The following OPCML variants were observed in gnomAD, a reference collection of about 807,000 sequenced individuals.
OPCML encodes the protein opioid-binding protein/cell adhesion molecule.
OPCML carries 13 observed loss-of-function variants against 37.8 expected under a neutral mutation model. The observed-to-expected ratio is 0.34, with a 90% confidence interval of 0.22 to 0.55. The LOEUF is 0.55. Among genes scored for constraint, OPCML ranks in the 20% least tolerant of loss-of-function variants. The pLI is 0.91. For synonymous variants in OPCML, 176 were observed against 168.8 expected (o/e 1.04, Z -0.33); for missense variants, 341 against 435.6 (o/e 0.78, Z 1.93).
chr11:133,054,512 T>C (rs1244372138), intron 1 of OPCML, among the ~76,000 whole-genome samples: 1 of 152,238 alleles, frequency 6.6e-6, no homozygotes, highest in African/African-American at 2.4e-5. Flanking sequence ...CTCCCAGGGC[T>C]GCTCCTCACA....
chr11:133,510,983 A>G (rs1396525417), intron 1 of OPCML, among the ~76,000 whole-genome samples: 1 of 152,148 alleles, frequency 6.6e-6, no homozygotes, highest in East Asian at 1.9e-4. Flanking sequence ...TTCAAGTTCA[A>G]CACATCCAAA....
chr11:133,407,460 G>A (rs1455971536), intron 1 of OPCML, among the ~76,000 whole-genome samples: 4 of 152,056 alleles, frequency 2.6e-5, no homozygotes, highest in Admixed American at 2.6e-4. Flanking sequence ...ACTTATCCCG[G>A]CATGCAGTGG....
At chr11:133,095,322 T>C (rs979151603) in intron 1 of OPCML, among the ~76,000 whole-genome samples, 1 of 148,014 alleles carries the variant, frequency 6.8e-6, no homozygotes, top group African/African-American at 2.5e-5. Context: ...ACGTGTATTT[T>C]TGTTTAGGGT....
At position 132,529,096 on chromosome 11, in the gene OPCML, T is replaced by G. The variant is rs2096316628; in HGVS notation, c.470A>C (p.Glu157Ala). The change falls in exon 4 of 8, where the codon GAG becomes GCG. Residue 157 changes from glutamate (E) to alanine (A), a missense_variant. Physicochemically the swap from Glu to Ala is moderately radical, Grantham distance 107. Transcript: ENST00000524381. Reference sequence around the variant, plus strand: ...CAGGTGTCTCCATGTCACAGTTGGCTCTGGTCTGCCAATAGCAAGACACAG... The same window carrying G: ...CAGGTGTCTCCATGTCACAGTTGGCGCTGGTCTGCCAATAGCAAGACACAG... ...TLLCLAIGRP[E>A]PTVTWRHLSV... The G allele has an allele frequency of 6.2e-7, 1 of 1,613,276 alleles. No homozygotes were observed. The highest frequency in any genetic ancestry group is 1.3e-5 in the African/African-American group (1 of 74,882).
intron 1 of OPCML, among the ~76,000 whole-genome samples, chr11:133,284,559 C>T (rs905295581): frequency 6.6e-6 from 1 of 152,134 alleles, no homozygotes; most frequent in South Asian, 2.1e-4. Context: ...GGAAGGGAGT[C>T]GGACTTTTAC....
chr11:132,608,994 G>A (rs867485696), intron 3 of OPCML, among the ~76,000 whole-genome samples: 142 of 152,110 alleles, frequency 9.3e-4, no homozygotes, highest in African/African-American at 3.4e-3. Context: ...TAGTACAACA[G>A]GCTTCCAACT....
chr11:132,921,613 G>A (rs1944805434), intron 2 of OPCML, among the ~76,000 whole-genome samples: 1 of 152,238 alleles, frequency 6.6e-6, no homozygotes, highest in Non-Finnish European at 1.5e-5. Context: ...TCCAGCTAGA[G>A]CCTGGACATA....
chr11:132,809,871 G>A (rs938836455), intron 2 of OPCML, among the ~76,000 whole-genome samples: 2 of 151,898 alleles, frequency 1.3e-5, no homozygotes, highest in Non-Finnish European at 2.9e-5. Flanking sequence ...TTATTTTTGA[G>A]ACGGTATCTT....
intron 4 of OPCML, among the ~76,000 whole-genome samples, chr11:132,445,349 C>T (rs1396965993): frequency 6.6e-5 from 10 of 152,042 alleles, no homozygotes; most frequent in Middle Eastern, 3.2e-3. Flanking sequence ...CGGGAGTAGC[C>T]GAGGATGACA....
chr11:132,690,760 T>C (rs182741306), intron 2 of OPCML, among the ~76,000 whole-genome samples: 2 of 152,286 alleles, frequency 1.3e-5, no homozygotes, highest in East Asian at 1.9e-4. Flanking sequence ...GATTATAGCA[T>C]TGGGGTTAAT....
chr11:132,502,573 T>C (rs11223094), intron 4 of OPCML, among the ~76,000 whole-genome samples: 6,833 of 152,258 alleles, frequency 0.045, 239 homozygotes, highest in East Asian at 0.12. Context: ...GTTGCAATAA[T>C]GTCAGCAGCT....
At chr11:132,553,354 T>C (rs954494599) in intron 3 of OPCML, among the ~76,000 whole-genome samples, 1 of 152,188 alleles carries the variant, frequency 6.6e-6, no homozygotes, top group African/African-American at 2.4e-5. Context: ...GCTGTTTGCC[T>C]TTCCCTGGAG....
chr11:133,272,404 A>G (rs1208559861), intron 1 of OPCML, among the ~76,000 whole-genome samples: 3 of 152,336 alleles, frequency 2.0e-5, no homozygotes, highest in East Asian at 1.9e-4. Flanking sequence ...ATGCACTGCA[A>G]TAAGACCCAC....
intron 1 of OPCML, among the ~76,000 whole-genome samples, chr11:133,414,315 C>T (rs929481089): frequency 6.6e-6 from 1 of 152,120 alleles, no homozygotes; most frequent in African/African-American, 2.4e-5. Flanking sequence ...TTACCAAAAT[C>T]ACCTTACTGG....
chr11:132,498,321 G>T (rs1470699859), intron 4 of OPCML, among the ~76,000 whole-genome samples: 1 of 152,158 alleles, frequency 6.6e-6, no homozygotes, highest in Non-Finnish European at 1.5e-5. Flanking sequence ...TTGGTCATCT[G>T]TTTTTTCTTG....
intron 3 of OPCML, among the ~76,000 whole-genome samples, chr11:132,548,036 G>T (rs1318392030): frequency 2.0e-5 from 3 of 152,178 alleles, no homozygotes; most frequent in Admixed American, 1.3e-4. Context: ...TATGGAGAGT[G>T]CCTGAAGCAG....
chr11:132,884,049 G>T (rs1332265809), intron 2 of OPCML, among the ~76,000 whole-genome samples: 1 of 152,150 alleles, frequency 6.6e-6, no homozygotes, highest in Non-Finnish European at 1.5e-5. Flanking sequence ...AGAGCTGGAA[G>T]GCATCTTAAA....
At chr11:132,957,897 C>T (rs1946005016) in intron 1 of OPCML, among the ~76,000 whole-genome samples, 1 of 152,202 alleles carries the variant, frequency 6.6e-6, no homozygotes, top group South Asian at 2.1e-4. Flanking sequence ...TCAGGCCTCC[C>T]TGTTCCCTGA....
intron 1 of OPCML, among the ~76,000 whole-genome samples, chr11:132,971,645 A>G (rs1006619862): frequency 1.3e-4 from 20 of 152,192 alleles, no homozygotes; most frequent in African/African-American, 4.8e-4. Flanking sequence ...AGAGGTGACA[A>G]GACAGTAAGT....
Sources: gnomAD v4.1 joint callset for allele counts (sites outside exome capture counted in the v4.1 genomes callset) on GRCh38, gnomAD v4.1.1 for gene constraint, MANE v1.5 for transcripts, NCBI Gene and HGNC (gene_info 2026-07-23, HGNC 2026-07-21) for gene names.